RALGPS2: variants seen among roughly 807,000 people sequenced by gnomAD.
RALGPS2 encodes the protein Ral GEF with PH domain and SH3 binding motif 2, also known as ras-specific guanine nucleotide-releasing factor RalGPS2.
In RALGPS2, 43 loss-of-function variants were observed where a neutral mutation model predicts 86.8. The observed-to-expected ratio is 0.50, with a 90% confidence interval of 0.39 to 0.64. RALGPS2 has a LOEUF of 0.64. Among genes scored for constraint, RALGPS2 ranks in the 30% least tolerant of loss-of-function variants. RALGPS2 has a pLI of 0.00. For synonymous variants in RALGPS2, 243 were observed against 231.3 expected, an observed-to-expected ratio of 1.05 and a Z score of -0.46; for missense variants, 536 against 694.6, an observed-to-expected ratio of 0.77 and a Z score of 2.57.
chr1:178,897,482 CAGGT>C (rs1659999362), intron 16 of RALGPS2, among the ~76,000 whole-genome samples, 178 bp from the exon 17 acceptor site: 1 of 151,996 alleles, frequency 6.6e-6, no homozygotes, highest in African/African-American at 2.4e-5. Flanking sequence ...GGTCTACAAA[CAGGT>C]AGTTACATGG....
intron 4 of RALGPS2, among the ~76,000 whole-genome samples, chr1:178,804,334 A>T (rs919065607): frequency 7.0e-6 from 1 of 142,752 alleles, no homozygotes; most frequent in Non-Finnish European, 1.5e-5. Context: ...TGTGCAGGTT[A>T]GTTACATATG....
intron 1 of RALGPS2, among the ~76,000 whole-genome samples, chr1:178,768,394 C>G (rs375004220): frequency 6.6e-6 from 1 of 152,264 alleles, no homozygotes; most frequent in East Asian, 1.9e-4. Context: ...TTCCCTTTCC[C>G]CACTCCCTAG....
chr1:178,759,118 T>C (rs1242705818), intron 1 of RALGPS2, among the ~76,000 whole-genome samples: 1 of 152,158 alleles, frequency 6.6e-6, no homozygotes, highest in Non-Finnish European at 1.5e-5. Flanking sequence ...CCTGTGCTTG[T>C]GGGGTGTTAT....
chr1:178,891,878 T>C (rs1434036091), intron 14 of RALGPS2, among the ~76,000 whole-genome samples: 2 of 151,672 alleles, frequency 1.3e-5, no homozygotes, highest in African/African-American at 4.8e-5. Context: ...ATCCAAGAAG[T>C]GGTATAGAAA....
At chr1:178,902,792 A>G (rs1660232395) in intron 18 of RALGPS2, among the ~76,000 whole-genome samples, 1 of 152,158 alleles carries the variant, frequency 6.6e-6, no homozygotes, top group Non-Finnish European at 1.5e-5. Flanking sequence ...AGAATATTTA[A>G]GAACAAAATT....
chr1:178,766,252 C>T (rs762547611), intron 1 of RALGPS2, among the ~76,000 whole-genome samples: 1 of 152,136 alleles, frequency 6.6e-6, no homozygotes, highest in Non-Finnish European at 1.5e-5. Context: ...CCGGTTCTTC[C>T]ATTTGGGGTC....
chr1:178,852,574 A>C (rs1657245470), intron 8 of RALGPS2: 1 of 1,218,610 alleles, frequency 8.2e-7, no homozygotes, highest in South Asian at 1.7e-5. Flanking sequence ...TGCCACAGTG[A>C]CCAAAACTGA....
At chr1:178,879,671 C>T (rs1319834097) in intron 10 of RALGPS2, 1 of 152,184 alleles carries the variant, frequency 6.6e-6, no homozygotes, top group African/African-American at 2.4e-5. Context: ...TGCCTGTAAT[C>T]CCAGCTGCTT....
At chr1:178,837,919 C>G (rs72707208) in intron 8 of RALGPS2, among the ~76,000 whole-genome samples, 6,467 of 152,270 alleles carry the variant, frequency 0.042, 153 homozygotes, top group Non-Finnish European at 0.057. Context: ...GCCCACAGAG[C>G]CTTGTTCATT....
chr1:178,885,241 T>C (rs1425251095), intron 12 of RALGPS2, 30 bp downstream of exon 12: 4 of 1,582,924 alleles, frequency 2.5e-6, no homozygotes, highest in Non-Finnish European at 3.4e-6. Flanking sequence ...TCTTTCAAAT[T>C]TTTAAGTCTT....
chr1:178,739,032 G>A (rs193074242), intron 1 of RALGPS2, among the ~76,000 whole-genome samples: 13 of 152,332 alleles, frequency 8.5e-5, no homozygotes, highest in Non-Finnish European at 1.6e-4. Context: ...TTTTGTGTAT[G>A]TGCTGAAATC....
At chr1:178,900,844 G>A (rs1214722074) in intron 17 of RALGPS2, among the ~76,000 whole-genome samples, 1 of 151,982 alleles carries the variant, frequency 6.6e-6, no homozygotes, top group East Asian at 1.9e-4. Context: ...GGTGGTTAAA[G>A]GGCATTTGCA....
At chr1:178,893,531 T>C (rs1010684838) in intron 15 of RALGPS2, among the ~76,000 whole-genome samples, 1 of 151,654 alleles carries the variant, frequency 6.6e-6, no homozygotes, top group African/African-American at 2.4e-5. Flanking sequence ...GAATCCTCAT[T>C]TTTCCTACCA....
At chr1:178,913,079 C>T (rs1002777517) in intron 19 of RALGPS2, among the ~76,000 whole-genome samples, 4 of 151,938 alleles carry the variant, frequency 2.6e-5, no homozygotes, top group African/African-American at 7.3e-5. Flanking sequence ...GTCAGGAGTT[C>T]GGGACCAGCC....
chr1:178,770,531 GACAGTCTT>G (rs1652748467), intron 1 of RALGPS2, among the ~76,000 whole-genome samples: 1 of 132,560 alleles, frequency 7.5e-6, no homozygotes, highest in Admixed American at 7.9e-5. Flanking sequence ...TTTTTTCTGA[GACAGTCTT>G]GCACTCTCGC....
intron 1 of RALGPS2, among the ~76,000 whole-genome samples, chr1:178,741,912 A>C (rs1651050671): frequency 6.6e-6 from 1 of 151,944 alleles, no homozygotes; most frequent in African/African-American, 2.4e-5. Flanking sequence ...CCGAGGCGGG[A>C]GGATCATGAG....
At chr1:178,831,722 A>T (rs1656032094) in intron 7 of RALGPS2, among the ~76,000 whole-genome samples, 1 of 151,904 alleles carries the variant, frequency 6.6e-6, no homozygotes, top group Admixed American at 6.6e-5. Context: ...TTTGAAAAGA[A>T]GAAAGAAAAG....
intron 1 of RALGPS2, among the ~76,000 whole-genome samples, chr1:178,763,986 T>C (rs2102070035): frequency 6.6e-6 from 1 of 152,262 alleles, no homozygotes; most frequent in Non-Finnish European, 1.5e-5. Context: ...GTGTGGAGTG[T>C]TCTGTAAATG....
At chr1:178,782,387 T>C (rs1653436114) in intron 2 of RALGPS2, among the ~76,000 whole-genome samples, 1 of 152,070 alleles carries the variant, frequency 6.6e-6, no homozygotes, top group Non-Finnish European at 1.5e-5. Flanking sequence ...CATTTTGAAA[T>C]ACACCCAGAT....
Sources: gnomAD v4.1 joint callset for allele counts (sites outside exome capture counted in the v4.1 genomes callset) on GRCh38, gnomAD v4.1.1 for gene constraint, MANE v1.5 for transcripts, NCBI Gene and HGNC (gene_info 2026-07-23, HGNC 2026-07-21) for gene names.